Variants in NCAN observed in about 807,000 individuals in gnomAD.
NCAN encodes the protein neurocan core protein.
NCAN carries 47 observed loss-of-function variants against 121.8 expected under a neutral mutation model. The ratio of observed to expected loss-of-function variants is 0.39; its 90% CI spans 0.31 to 0.49. The LOEUF (loss-of-function observed/expected upper bound fraction) is 0.49, where lower values mean the gene tolerates loss of function less well. Among genes scored for constraint, NCAN ranks in the 20% least tolerant of loss-of-function variants. The probability of loss-of-function intolerance (pLI) is 0.92; values close to 1 mark genes in which losing one functional copy is unlikely to be tolerated. For missense variants in NCAN, 1,517 were observed against 1,773.4 expected, an observed-to-expected ratio of 0.86 and a Z score of 2.60; for synonymous variants, 633 against 702.0, an observed-to-expected ratio of 0.90 and a Z score of 1.55.
chr19:19,224,419 C>T lies in NCAN; in HGVS notation c.764C>T (p.Ala255Val), dbSNP rs559688856. 1.2e-6 allele frequency: 2 copies of T among 1,613,442 alleles called. No homozygotes were observed. The highest frequency in any genetic ancestry group is 2.7e-5 in the African/African-American group (2 of 75,004). ...PQELYDVYCFARELGGEVFYV... is the reference protein window; with the variant it reads ...PQELYDVYCFVRELGGEVFYV... ...GAACTCTACGATGTGTATTGCTTTG[C>T]CCGGGAGCTGGGGGGTAAGTCTGGG... is the stretch of plus-strand genomic sequence containing the variant. Residue 255 changes from alanine to valine, a missense_variant, in exon 5 of 15, where the codon GCC becomes GTC. Coordinates refer to ENST00000252575, the MANE Select transcript of NCAN (RefSeq NM_004386.3).
At chr19:19,233,967 A>C (rs1599817740) in intron 9 of NCAN, 62 bp downstream of exon 9, 1 of 1,072,386 alleles carries the variant, frequency 9.3e-7, no homozygotes, top group Non-Finnish European at 1.4e-6. Flanking sequence ...CTTGGGTTGT[A>C]CTCCAGCAGC....
chr19:19,231,006 A>G lies in NCAN; in HGVS notation c.3019+2367A>G, dbSNP rs145977954. On this transcript the variant is annotated intron_variant, in intron 8 of 14. Coordinates refer to ENST00000252575, the MANE Select transcript of NCAN (RefSeq NM_004386.3). ...AGTGATCCTCTTGCCTTGGCCTCCC[A>G]AAGTGTTGGGATTACAGACATGAGC... Among the ~76,000 whole-genome samples, 220 of 151,546 alleles carry G rather than the reference A, an allele frequency of 1.5e-3. 1 individual carries two copies. The highest frequency in any genetic ancestry group is 6.8e-3 in the Middle Eastern group (2 of 294).
intron 10 of NCAN, among the ~76,000 whole-genome samples, 168 bp from the exon 11 acceptor site, chr19:19,238,085 G>T (rs557677166): frequency 6.6e-6 from 1 of 152,252 alleles, no homozygotes; most frequent in East Asian, 1.9e-4. Flanking sequence ...AGGTGAAAGG[G>T]TTGGGAGAGC....
intron 1 of NCAN, among the ~76,000 whole-genome samples, chr19:19,213,820 G>A (rs1339905082): frequency 2.0e-5 from 3 of 152,100 alleles, no homozygotes; most frequent in Admixed American, 1.3e-4. Flanking sequence ...GGGGAAGCCC[G>A]GGATGATGAC....
intron 1 of NCAN, among the ~76,000 whole-genome samples, chr19:19,215,327 G>T (rs978009256): frequency 1.3e-5 from 2 of 152,150 alleles, no homozygotes; most frequent in African/African-American, 4.8e-5. Context: ...TTCCATCTGC[G>T]CCCACCTCCT....
intron 8 of NCAN, 141 bp from the exon 9 acceptor site, chr19:19,233,648 T>TGACCGC: frequency 1.6e-6 from 1 of 611,020 alleles, no homozygotes. Flanking sequence ...AGGGAGTTGG[T>TGACCGC]GACCGCTGGT....
At chr19:19,217,493 C>A (rs1488060119) in intron 2 of NCAN, among the ~76,000 whole-genome samples, 2 of 152,212 alleles carry the variant, frequency 1.3e-5, no homozygotes, top group Non-Finnish European at 2.9e-5. Context: ...TGCTACTCTG[C>A]AGATGGTTAT....
Position 19,249,926 on chromosome 19 carries a change from G to T in NCAN, c.*15G>T. On this transcript the variant is annotated 3_prime_UTR_variant, in exon 15 of 15. Coordinates refer to ENST00000252575, the MANE Select transcript of NCAN (RefSeq NM_004386.3). ...ATTTCTGCTGAAGAACCAGAAAAAA[G>T]AAAGCACAACACCTTTCCCATGCCT... 1 of 1,608,642 alleles carries T rather than the reference G, an allele frequency of 6.2e-7. No individual in the cohort carries two copies. Among genetic ancestry groups the T allele is most frequent in the Non-Finnish European group, 8.5e-7 (1 of 1,177,308 alleles).
At position 19,227,310 on chromosome 19, in the gene NCAN, C is replaced by T; in HGVS notation, c.1690C>T (p.Pro564Ser). ...TGCTGGTGGCAAGAGCTCCCCAGAG[C>T]CCTGGCTGTGGCCCCCTACCATGGT... ...GSAGGKSSPE[P>S]WLWPPTMVPP... The change falls in exon 8 of 15, where the codon CCC becomes TCC. Residue 564 changes from proline (P) to serine (S), a missense_variant. By Grantham distance (74) the Pro-to-Ser change is moderately conservative. Transcript: ENST00000252575. The surrounding 1 kb of genome is among the most constrained non-coding windows in gnomAD (Gnocchi z 4.2). 1 of 1,590,028 alleles carries T rather than the reference C, an allele frequency of 6.3e-7. No individual in the cohort carries two copies. The highest frequency in any genetic ancestry group is 8.6e-7 in the Non-Finnish European group (1 of 1,167,542).
At chr19:19,234,005 A>C (rs2060871973) in intron 9 of NCAN, 100 bp downstream of exon 9, 1 of 762,984 alleles carries the variant, frequency 1.3e-6, no homozygotes, top group African/African-American at 1.7e-5. Context: ...GAGATCACAA[A>C]AAGCTGGTTT....
At chr19:19,242,837 C>A (rs1035451555) in intron 12 of NCAN, among the ~76,000 whole-genome samples, 2 of 152,020 alleles carry the variant, frequency 1.3e-5, no homozygotes, top group Non-Finnish European at 2.9e-5. Context: ...TATTGTTCGG[C>A]CATAAAGGAG....
Position 19,250,389 on chromosome 19 carries a change from G to C in NCAN, c.*478G>C. Reference sequence around the variant, plus strand: ...TTTGGGAATAGAAGGCTACACAGAAGCACACTGTTTTTGAACTTGACAACA... The same window carrying C: ...TTTGGGAATAGAAGGCTACACAGAACCACACTGTTTTTGAACTTGACAACA... On this transcript the variant is annotated 3_prime_UTR_variant, in exon 15 of 15. Coordinates refer to ENST00000252575, the MANE Select transcript of NCAN (RefSeq NM_004386.3). 2.9e-6 allele frequency: 1 copy of C among 344,326 alleles called. No homozygotes were observed. Among genetic ancestry groups the C allele is most frequent in the Non-Finnish European group, 5.7e-6 (1 of 175,950 alleles). 21.3% of individuals were successfully genotyped at this position (344,326 alleles called of 1,614,324 possible).
intron 3 of NCAN, among the ~76,000 whole-genome samples, chr19:19,220,703 C>T (rs2060813650): frequency 6.6e-6 from 1 of 152,006 alleles, no homozygotes; most frequent in South Asian, 2.1e-4. Flanking sequence ...GTGATCTGCC[C>T]ACCTCGGCCT....
At chr19:19,232,408 C>T (rs2060863573) in intron 8 of NCAN, among the ~76,000 whole-genome samples, 2 of 152,226 alleles carry the variant, frequency 1.3e-5, no homozygotes, top group Non-Finnish European at 2.9e-5. Flanking sequence ...TGTGTCCCGC[C>T]GCCTGGCAGC....
chr19:19,225,928 C>G lies in NCAN; in HGVS notation c.1073-558C>G, dbSNP rs1291864483. Among the ~76,000 whole-genome samples, 1 of 152,086 alleles carries G rather than the reference C, an allele frequency of 6.6e-6. No homozygotes were observed. Among genetic ancestry groups the G allele is most frequent in the Admixed American group, 6.6e-5 (1 of 15,258 alleles). On this transcript the variant is annotated intron_variant, in intron 6 of 14. Coordinates refer to ENST00000252575, the MANE Select transcript of NCAN (RefSeq NM_004386.3). The surrounding 1 kb of genome is among the most constrained non-coding windows in gnomAD (Gnocchi z 4.0). ...GAGCTTTGCCCATGAGCCAAATTGT[C>G]TTTTTTTCTTTTTTCTTTTGAGACA...
chr19:19,217,846 G>A (rs528569339), intron 2 of NCAN, among the ~76,000 whole-genome samples: 110 of 152,246 alleles, frequency 7.2e-4, no homozygotes, highest in Admixed American at 4.1e-3. Flanking sequence ...AATTAGCCAG[G>A]TGTGGTGGCA....
chr19:19,249,833 C>T lies in NCAN; in HGVS notation c.3888C>T (p.His1296=). 1 of 1,613,960 alleles carries T rather than the reference C, an allele frequency of 6.2e-7. No individual in the cohort carries two copies. Among genetic ancestry groups the T allele is most frequent in the Middle Eastern group, 1.6e-4 (1 of 6,062 alleles). Residue 1296 remains histidine (H), a synonymous_variant, in exon 15 of 15, where the codon CAC becomes CAT. Transcript: ENST00000252575. ...AACACCACCACCAGCATCACCACCA[C>T]AAATCCCGCAAGGAGCGCAGAAAAC... The part of the protein sequence containing the change: ...HHQHHHQHHH[H]KSRKERRKHK...
intron 10 of NCAN, among the ~76,000 whole-genome samples, chr19:19,236,894 A>G (rs937848934): frequency 1.3e-5 from 2 of 151,734 alleles, no homozygotes; most frequent in Non-Finnish European, 2.9e-5. Flanking sequence ...ATGCCTGGCT[A>G]ATTTTTATTT....
intron 1 of NCAN, among the ~76,000 whole-genome samples, chr19:19,213,521 C>T (rs961873048): frequency 6.9e-6 from 1 of 144,858 alleles, no homozygotes; most frequent in Non-Finnish European, 1.5e-5. Flanking sequence ...GGGGGGGGCC[C>T]GAGACTGTGG....
Sources: gnomAD v4.1 joint callset for allele counts (sites outside exome capture counted in the v4.1 genomes callset) on GRCh38, gnomAD v4.1.1 for gene constraint, Gnocchi (gnomAD v3.1) non-coding constraint, MANE v1.5 for transcripts, NCBI Gene and HGNC (gene_info 2026-07-23, HGNC 2026-07-21) for gene names.